DDN: variants seen among roughly 807,000 people sequenced by gnomAD.
The protein encoded by DDN is dendrin.
A neutral mutation model predicts 7.3 loss-of-function variants in DDN; 4 were observed. The observed-to-expected ratio is 0.55, with a 90% CI of 0.27 to 1.25. The LOEUF (loss-of-function observed/expected upper bound fraction) is 1.25, where lower values mean the gene tolerates loss of function less well. Ranked by LOEUF, DDN falls within the 50% of genes most tolerant of loss-of-function variation. The pLI, the probability that DDN is intolerant of heterozygous loss-of-function variation, is 0.12. For missense variants in DDN, 933 were observed against 974.7 expected, an observed-to-expected ratio of 0.96 and a Z score of 0.57; for synonymous variants, 425 against 424.3, an observed-to-expected ratio of 1.00 and a Z score of -0.02.
rs1245382421 is a variant in DDN at position 48,998,286 on chromosome 12, C to T, written c.590G>A (p.Arg197Gln). The T allele has an allele frequency of 5.6e-6, 9 of 1,601,126 alleles. No individual in the cohort carries two copies. The South Asian group carries it at 1.0e-4, about 18-fold the overall frequency. The stretch of plus-strand genomic sequence containing the variant: ...AGCCTCGTAGCTTGGGGGCCCGGGC[C>T]GCCGACCTCCCCAGGGCCCCGCCCA... ...SAWAGPWGGR[R>Q]PGPPSYEAHL... Residue 197 changes from arginine (R) to glutamine (Q), a missense_variant, in exon 2 of 2, where the codon CGG becomes CAG. Transcript: ENST00000421952.
Position 48,996,797 on chromosome 12 carries a change from G to C in DDN, c.2079C>G (p.Val693=). The C allele has an allele frequency of 6.2e-7, 1 of 1,614,154 alleles. No individual in the cohort carries two copies. Among genetic ancestry groups the C allele is most frequent in the Non-Finnish European group, 8.5e-7 (1 of 1,180,008 alleles). The change falls in exon 2 of 2, where the codon GTC becomes GTG. Residue 693 remains valine, a synonymous_variant. Transcript: ENST00000421952. The part of the protein sequence containing the change: ...ILDVISQTEE[V]LFGVRDIRGT... ...CTCTGATGTCCCTCACCCCGAAGAG[G>C]ACCTCCTCGGTTTGGCTTATGACAT...
chr12:48,997,279 C>T lies in DDN; in HGVS notation c.1597G>A (p.Gly533Ser). 1 of 1,610,810 alleles carries T rather than the reference C, an allele frequency of 6.2e-7. No homozygotes were observed. ...AGTGTGGAGTCCCCCGGCCTCCCGC[C>T]CTCAGCTTCGCCCCCGCGGCCCCCG... ...PGGGRGGEAE[G>S]GRPGDSTLEE... The change falls in exon 2 of 2, where the codon GGC becomes AGC. Residue 533 changes from glycine to serine, a missense_variant. Transcript: ENST00000421952.
chr12:48,997,831 C>G lies in DDN; in HGVS notation c.1045G>C (p.Gly349Arg), dbSNP rs2137640477. ...GCACAGGGAGCCGCAGTTGCAGACC[C>G]CGCAGGAGCTATCTCGGTGCCTGCG... The part of the protein sequence containing the change: ...GSAGTEIAPA[G>R]SATAAPCAPH... Residue 349 changes from glycine to arginine, a missense_variant, in exon 2 of 2, where the codon GGG becomes CGG. Gly to Arg is a moderately radical substitution (Grantham distance 125). Transcript: ENST00000421952. 1 of 1,613,994 alleles carries G rather than the reference C, an allele frequency of 6.2e-7. No individual in the cohort carries two copies. Among genetic ancestry groups the G allele is most frequent in the Non-Finnish European group, 8.5e-7 (1 of 1,180,020 alleles).
In DDN at chr12:48,997,878, G is replaced by A. The variant is rs1009352350; in HGVS notation, c.998C>T (p.Pro333Leu). The A allele has an allele frequency of 6.2e-7, 1 of 1,612,882 alleles. No individual in the cohort carries two copies. The highest frequency in any genetic ancestry group is 8.5e-7 in the Non-Finnish European group (1 of 1,180,004). Reference protein sequence around the residue: ...ADLNSGSDSHPQAKATGSAGT... With the variant: ...ADLNSGSDSHLQAKATGSAGT... ...TGCGCTCCCTGTAGCTTTGGCTTGG[G>A]GATGGCTGTCGCTACCACTGTTCAG... The change falls in exon 2 of 2, where the codon CCC (proline) becomes CTC (leucine). Residue 333 changes from proline to leucine, a missense_variant. Coordinates refer to ENST00000421952, the MANE Select transcript of DDN (RefSeq NM_015086.2).
Position 48,998,615 on chromosome 12 carries a change from G to C in DDN, c.261C>G (p.Ala87=). 6.4e-7 allele frequency: 1 copy of C among 1,562,636 alleles called. No individual in the cohort carries two copies. The highest frequency in any genetic ancestry group is 1.1e-5 in the South Asian group (1 of 87,524). ...SPQPPPRRPW[A]SRVLQEATNW... The stretch of plus-strand genomic sequence containing the variant: ...TGGTCGCCTCCTGCAGCACCCTGGA[G>C]GCCCAGGGCCGGCGGGGCGGCGGCT... The change falls in exon 2 of 2, where the codon GCC becomes GCG. Residue 87 remains alanine (A), a synonymous_variant. Transcript: ENST00000421952.
In DDN at chr12:48,997,220, C is replaced by G. The variant is rs1290417081; in HGVS notation, c.1656G>C (p.Pro552=). The change falls in exon 2 of 2, where the codon CCG becomes CCC. Residue 552 remains proline (P), a synonymous_variant. Transcript: ENST00000421952. ...CGTCCCGCAGGTTTACTTCGGGGGC[C>G]GGGAGCCCCAAGATGCGGAAAGTGC... ...EERTFRILGL[P]APEVNLRDAP... 2 of 1,586,672 alleles carry G rather than the reference C, an allele frequency of 1.3e-6. No homozygotes were observed. Among genetic ancestry groups the G allele is most frequent in the Admixed American group, 1.8e-5 (1 of 57,078 alleles).
chr12:48,998,932 A>G, intron 1 of DDN, 147 bp downstream of exon 1: 1 of 987,564 alleles, frequency 1.0e-6, no homozygotes, highest in Non-Finnish European at 1.5e-6. Context: ...CAACGGGATG[A>G]GTCAGGCCCC....
chr12:48,998,740 C>T (rs554887252), intron 1 of DDN, 74 bp from the exon 2 acceptor site: 1 of 1,420,064 alleles, frequency 7.0e-7, no homozygotes, highest in South Asian at 1.5e-5. Flanking sequence ...GCTGGGAGCA[C>T]TGGAGACCAC....
At position 48,997,669 on chromosome 12, in the gene DDN, TG is replaced by T; in HGVS notation, c.1206del (p.Arg403AspfsTer58). ...CCGGTGCCTCCGGGAGCCCAGGGTCTGGGGAGTGTCTGGCTATGGCGGGGCG... is the reference window on the plus strand; with the variant it reads ...CCGGTGCCTCCGGGAGCCCAGGGTCTGGGAGTGTCTGGCTATGGCGGGGCG... Reference protein sequence around the residue: ...KQPPRHSQTLPRPWAPGGTGW... With the variant: ...KQPPRHSQTLXRPWAPGGTGW... On this transcript the variant is annotated frameshift_variant, in exon 2 of 2. Coordinates refer to ENST00000421952, the MANE Select transcript of DDN (RefSeq NM_015086.2). LOFTEE classifies it low-confidence loss of function (END_TRUNC). The T allele has an allele frequency of 2.6e-6, 4 of 1,565,742 alleles. No homozygotes were observed. The highest frequency in any genetic ancestry group is 3.5e-6 in the Non-Finnish European group (4 of 1,154,192).
rs768930397 is a variant in DDN at position 48,997,216 on chromosome 12, G to T, written c.1660C>A (p.Pro554Thr). The stretch of plus-strand genomic sequence containing the variant: ...GGGGCGTCCCGCAGGTTTACTTCGG[G>T]GGCCGGGAGCCCCAAGATGCGGAAA... ...RTFRILGLPA[P>T]EVNLRDAPTQ... The change falls in exon 2 of 2, where the codon CCC (proline) becomes ACC (threonine). Residue 554 changes from proline (P) to threonine (T), a missense_variant. By Grantham distance (38) the Pro-to-Thr change is conservative. Transcript: ENST00000421952. 4 of 1,584,638 alleles carry T rather than the reference G, an allele frequency of 2.5e-6. No homozygotes were observed. Among genetic ancestry groups the T allele is most frequent in the African/African-American group, 2.7e-5 (2 of 74,132 alleles).
rs1020827661 is a variant in DDN, at chr12:48,999,156, A to G, written c.132T>C (p.His44=). Residue 44 remains histidine, a synonymous_variant, in exon 1 of 2, where the codon CAT becomes CAC. Transcript: ENST00000421952. ...GTCGAGAAGGGGCGCGGCGACTATA[A>G]TGACAGGAAATAGTCTTCACTTCTA... is the stretch of plus-strand genomic sequence containing the variant. ...LVIEVKTISC[H]YSRRAPSRQP... is the part of the protein sequence containing the mutation. 1.9e-6 allele frequency: 3 copies of G among 1,613,942 alleles called. No homozygotes were observed. In the African/African-American group the frequency reaches 4.0e-5, roughly 22 times the overall value.
chr12:48,997,946 G>A lies in DDN; in HGVS notation c.930C>T (p.Gly310=), dbSNP rs1317894928. ...CGAARARPEP[G]KGVVEKSLGL... ...CCAGGCTTTTCTCCACGACCCCCTTGCCGGGCTCTGGCCTTGCTCTGGCCG... is the reference window on the plus strand; with the variant it reads ...CCAGGCTTTTCTCCACGACCCCCTTACCGGGCTCTGGCCTTGCTCTGGCCG... The change falls in exon 2 of 2, where the codon GGC becomes GGT. Residue 310 remains glycine, a synonymous_variant. Transcript: ENST00000421952. 6.2e-7 allele frequency: 1 copy of A among 1,612,972 alleles called. No individual in the cohort carries two copies. The highest frequency in any genetic ancestry group is 1.1e-5 in the South Asian group (1 of 91,090).
In DDN at chr12:48,996,614, A is replaced by G; in HGVS notation, c.*126T>C. ...CTTCCCTTCCTTTCATTTATATTTC[A>G]AGGATGAGAACAGGTATGGGTAAAG... is the stretch of plus-strand genomic sequence containing the variant. On this transcript the variant is annotated 3_prime_UTR_variant, in exon 2 of 2. Coordinates refer to ENST00000421952, the MANE Select transcript of DDN (RefSeq NM_015086.2). 1 of 1,408,222 alleles carries G rather than the reference A, an allele frequency of 7.1e-7. No individual in the cohort carries two copies. Among genetic ancestry groups the G allele is most frequent in the South Asian group, 1.5e-5 (1 of 65,578 alleles). 87.2% of individuals were successfully genotyped at this position (1,408,222 alleles called of 1,614,324 possible).
Position 48,997,364 on chromosome 12 carries a change from C to A in DDN, c.1512G>T (p.Thr504=). 1.2e-6 allele frequency: 2 copies of A among 1,612,830 alleles called. No homozygotes were observed. The highest frequency in any genetic ancestry group is 1.7e-6 in the Non-Finnish European group (2 of 1,179,566). ...KPGKEEGEGA[T]VFPSPCQKRL... is the part of the protein sequence containing the mutation. ...GCTTTTGACAAGGGGAAGGAAAGACCGTGGCCCCTTCACCCTCCTCCTTGC... is the reference window on the plus strand; with the variant it reads ...GCTTTTGACAAGGGGAAGGAAAGACAGTGGCCCCTTCACCCTCCTCCTTGC... The change falls in exon 2 of 2, where the codon ACG becomes ACT. Residue 504 remains threonine (T), a synonymous_variant. Coordinates refer to ENST00000421952, the MANE Select transcript of DDN (RefSeq NM_015086.2).
Position 48,996,938 on chromosome 12 carries a change from T to C in DDN, c.1938A>G (p.Thr646=), listed in dbSNP as rs1941213648. ...VHSGSSDGSD[T]EAPGASWRNE... ...TCCGCCAGGAGGCGCCCGGGGCTTC[T>C]GTGTCGCTTCCATCAGAGGAGCCGC... Residue 646 remains threonine, a synonymous_variant, in exon 2 of 2, where the codon ACA becomes ACG. Transcript: ENST00000421952. 5 of 1,594,092 alleles carry C rather than the reference T, an allele frequency of 3.1e-6. No homozygotes were observed. The highest frequency in any genetic ancestry group is 4.3e-6 in the Non-Finnish European group (5 of 1,169,742).
In DDN at chr12:48,998,061, C is replaced by T; in HGVS notation, c.815G>A (p.Arg272Lys). The T allele has an allele frequency of 1.2e-6, 2 of 1,614,004 alleles. No homozygotes were observed. Among genetic ancestry groups the T allele is most frequent in the African/African-American group, 1.3e-5 (1 of 75,074 alleles). Residue 272 changes from arginine to lysine, a missense_variant, in exon 2 of 2, where the codon AGG (arginine) becomes AAG (lysine). Arg to Lys is a conservative substitution (Grantham distance 26, BLOSUM62 2). Transcript: ENST00000421952. The stretch of plus-strand genomic sequence containing the variant: ...GTCCCGGTAGATCCGAGGATCCAGC[C>T]TCTTCTTTGTGCGCCCTCCGTCTGT... ...ARTDGGRTKK[R>K]LDPRIYRDVL...
In DDN at chr12:48,997,223, G is replaced by A. The variant is rs1476887610; in HGVS notation, c.1653C>T (p.Leu551=). ...CCCGCAGGTTTACTTCGGGGGCCGGGAGCCCCAAGATGCGGAAAGTGCGCT... is the reference window on the plus strand; with the variant it reads ...CCCGCAGGTTTACTTCGGGGGCCGGAAGCCCCAAGATGCGGAAAGTGCGCT... ...LEERTFRILG[L]PAPEVNLRDA... is the part of the protein sequence containing the mutation. Residue 551 remains leucine (L), a synonymous_variant, in exon 2 of 2, where the codon CTC becomes CTT. Transcript: ENST00000421952. 6.3e-7 allele frequency: 1 copy of A among 1,588,512 alleles called. No homozygotes were observed. Among genetic ancestry groups the A allele is most frequent in the Non-Finnish European group, 8.6e-7 (1 of 1,167,244 alleles).
intron 1 of DDN, 29 bp downstream of exon 1, chr12:48,999,050 T>A: frequency 6.2e-7 from 1 of 1,601,086 alleles, no homozygotes; most frequent in Non-Finnish European, 8.6e-7. Context: ...GCCCCACCAC[T>A]CTCTTCCCCT....
intron 1 of DDN, 78 bp from the exon 2 acceptor site, chr12:48,998,744 A>G (rs1941255456): frequency 1.4e-6 from 2 of 1,419,830 alleles, no homozygotes; most frequent in Non-Finnish European, 1.8e-6. Context: ...GGAGCACTGG[A>G]GACCACTTGG....
Sources: allele counts gnomAD v4.1 joint callset, GRCh38; gene constraint gnomAD v4.1.1; transcripts MANE v1.5; gene names NCBI Gene and HGNC (gene_info 2026-07-23, HGNC 2026-07-21).